Variants in ADAR observed in about 807,000 individuals in gnomAD.
ADAR encodes double-stranded RNA-specific adenosine deaminase.
A neutral mutation model predicts 113.2 loss-of-function variants in ADAR; 41 were observed. The ratio of observed to expected loss-of-function variants is 0.36; its 90% CI spans 0.28 to 0.47. The LOEUF (loss-of-function observed/expected upper bound fraction) is 0.47, where lower values mean the gene tolerates loss of function less well. ADAR is among the 20% of genes least tolerant of loss of function. ADAR has a pLI of 1.00. For synonymous variants in ADAR, 605 were observed against 572.6 expected, an observed-to-expected ratio of 1.06 and a Z score of -0.81; for missense variants, 1,242 against 1,540.9, an observed-to-expected ratio of 0.81 and a Z score of 3.25.
At position 154,601,515 on chromosome 1, in the gene ADAR, G is replaced by A; in HGVS notation, c.1127C>T (p.Ala376Val). ...KRNTNSVPETAPAAIPETKRN... is the reference protein window; with the variant it reads ...KRNTNSVPETVPAAIPETKRN... The stretch of plus-strand genomic sequence containing the variant: ...TTTGGTCTCAGGGATTGCAGCTGGA[G>A]CGGTTTCAGGAACACTGTTCGTATT... Residue 376 changes from alanine to valine, a missense_variant, in exon 2 of 15, where the codon GCT becomes GTT. Physicochemically the swap from Ala to Val is moderately conservative, Grantham distance 64 (BLOSUM62 0). Coordinates refer to ENST00000368474, the MANE Select transcript of ADAR (RefSeq NM_001111.5). This position sits in a 1 kb window ranked among gnomAD's most constrained non-coding sequence, Gnocchi z 4.7. 2 of 1,613,802 alleles carry A rather than the reference G, an allele frequency of 1.2e-6. No homozygotes were observed. The highest frequency in any genetic ancestry group is 1.6e-4 in the Middle Eastern group (1 of 6,062).
chr1:154,595,217 C>G (rs1697416321), intron 6 of ADAR, among the ~76,000 whole-genome samples: 1 of 152,178 alleles, frequency 6.6e-6, no homozygotes, highest in Non-Finnish European at 1.5e-5. Context: ...GGGATCTAGG[C>G]TACACGCTCC....
intron 1 of ADAR, among the ~76,000 whole-genome samples, chr1:154,614,165 A>G (rs1309691078): frequency 1.3e-5 from 2 of 152,246 alleles, no homozygotes; most frequent in African/African-American, 4.8e-5. Context: ...GCAAGTATGT[A>G]TAACTAATAA....
At chr1:154,617,878 T>G (rs546632670) in intron 1 of ADAR, among the ~76,000 whole-genome samples, 9 of 151,906 alleles carry the variant, frequency 5.9e-5, no homozygotes, top group East Asian at 3.9e-4. Flanking sequence ...AAATAAGAGA[T>G]AAACTATTAA....
At chr1:154,589,249 C>T in intron 9 of ADAR, 120 bp downstream of exon 9, 2 of 802,586 alleles carry the variant, frequency 2.5e-6, no homozygotes, top group South Asian at 2.8e-5. Flanking sequence ...AAGGCTGCCA[C>T]TGCCACATCA....
Position 154,590,341 on chromosome 1 carries a change from C to A in ADAR, c.2339G>T (p.Gly780Val). 1 of 1,614,168 alleles carries A rather than the reference C, an allele frequency of 6.2e-7. No homozygotes were observed. The highest frequency in any genetic ancestry group is 8.5e-7 in the Non-Finnish European group (1 of 1,180,040). The stretch of plus-strand genomic sequence containing the variant: ...AGCCGCATCTGCTGCTTCCTGCTTG[C>A]CTTGCTTCTTGCTGTGTGCGCAGAC... ...PAVCAHSKKQ[G>V]KQEAADAALR... is the part of the protein sequence containing the mutation. The change falls in exon 7 of 15, where the codon GGC becomes GTC. Residue 780 changes from glycine (G) to valine (V), a missense_variant. By Grantham distance (109) the Gly-to-Val change is moderately radical (BLOSUM62 -3). Around this residue, in one of 2 missense-constraint regions of ADAR, gnomAD observed 780 missense variants for 1,057.9 expected, o/e 0.74. Coordinates refer to ENST00000368474, the MANE Select transcript of ADAR (RefSeq NM_001111.5).
chr1:154,627,413 G>A (rs1698973833), intron 1 of ADAR, among the ~76,000 whole-genome samples: 1 of 152,244 alleles, frequency 6.6e-6, no homozygotes, highest in African/African-American at 2.4e-5. Flanking sequence ...GTTTGTGGTA[G>A]AAGGCGCAGC....
chr1:154,603,246 A>G (rs1183096120), intron 1 of ADAR, among the ~76,000 whole-genome samples: 1 of 152,216 alleles, frequency 6.6e-6, no homozygotes, highest in African/African-American at 2.4e-5. Context: ...CGCAGTAACG[A>G]AAACAATCTC....
At chr1:154,588,718 A>G in intron 9 of ADAR, 45 bp from the exon 10 acceptor site, 1 of 1,613,342 alleles carries the variant, frequency 6.2e-7, no homozygotes, top group Non-Finnish European at 8.5e-7. Flanking sequence ...CAATTCTGGG[A>G]AAAGCAGTTG....
chr1:154,608,492 C>CTTTTTTTTTTTTTTTTTT (rs67463447), upstream of ADAR, among the ~76,000 whole-genome samples: 35 of 65,768 alleles, frequency 5.3e-4, 1 homozygote, highest in East Asian at 3.0e-3. Flanking sequence ...TCACTCCTGG[C>CTTTTTTTTTTTTTTTTTT]TTTTTTTTTT....
intron 2 of ADAR, among the ~76,000 whole-genome samples, chr1:154,599,745 A>G (rs549685960): frequency 1.3e-5 from 2 of 152,238 alleles, no homozygotes; most frequent in Non-Finnish European, 2.9e-5. Flanking sequence ...TGTTTTCCTC[A>G]ATCTGTCCAC....
Position 154,584,685 on chromosome 1 carries a change from G to T in ADAR, c.*121C>A. ...CAAAGTTTTCAGTATCACCAATTAT[G>T]GCTTAAAAAGAAAAAAAAAGGAGAA... On this transcript the variant is annotated 3_prime_UTR_variant, in exon 15 of 15. Transcript: ENST00000368474. The T allele has an allele frequency of 1.1e-6, 1 of 921,436 alleles. No homozygotes were observed. Among genetic ancestry groups the T allele is most frequent in the Non-Finnish European group, 1.7e-6 (1 of 587,550 alleles). The allele number at this position is 921,436 out of a possible 1,614,324, so 57.1% of individuals were successfully genotyped here.
chr1:154,619,419 T>C (rs1005573779), intron 1 of ADAR, among the ~76,000 whole-genome samples: 1 of 152,108 alleles, frequency 6.6e-6, no homozygotes, highest in Non-Finnish European at 1.5e-5. Flanking sequence ...CAATGCTGGG[T>C]TGCTGAATCA....
rs768943773 is a variant in ADAR, at chr1:154,598,557, G to T, written c.1630C>A (p.Arg544=). Residue 544 remains arginine, a synonymous_variant, in exon 3 of 15, where the codon CGA becomes AGA. Transcript: ENST00000368474. ...CCAGCTTCAGCTGGGGGAAACTCTC[G>T]GCCATTGATGACAACCTGGAATTTA... ...RFKFQVVING[R]EFPPAEAGSK... is the part of the protein sequence containing the mutation. The T allele has an allele frequency of 6.2e-6, 10 of 1,614,058 alleles. No homozygotes were observed. Among genetic ancestry groups the T allele is most frequent in the Non-Finnish European group, 7.6e-6 (9 of 1,180,044 alleles).
intron 2 of ADAR, 140 bp downstream of exon 2, chr1:154,600,901 G>A (rs1697826395): frequency 8.3e-7 from 1 of 1,199,602 alleles, no homozygotes; most frequent in African/African-American, 1.5e-5. Context: ...CCAATCAAGG[G>A]GAATTTAGCT....
chr1:154,610,808 C>CAA (rs1369386387), upstream of ADAR, among the ~76,000 whole-genome samples: 1,254 of 40,456 alleles, frequency 0.031, 226 homozygotes, highest in Middle Eastern at 0.071. Flanking sequence ...GACACCGTCT[C>CAA]AAAAAAAAAA....
At position 154,601,717 on chromosome 1, in the gene ADAR, T is replaced by C; in HGVS notation, c.925A>G (p.Asn309Asp). The C allele has an allele frequency of 1.2e-6, 2 of 1,614,196 alleles. No homozygotes were observed. The highest frequency in any genetic ancestry group is 1.7e-6 in the Non-Finnish European group (2 of 1,180,024). Residue 309 changes from asparagine to aspartate, a missense_variant, in exon 2 of 15, where the codon AAT becomes GAT. By Grantham distance (23) the Asn-to-Asp change is conservative. Around this residue, in one of 2 missense-constraint regions of ADAR, gnomAD observed 462 missense variants for 483.1 expected, o/e 0.96. Transcript: ENST00000368474. This position sits in a 1 kb window ranked among gnomAD's most constrained non-coding sequence, Gnocchi z 4.7. ...IKEKICDYLF[N>D]VSDSSALNLA... ...TTCAGGGCAGAGGAGTCAGACACAT[T>C]GAAGAGATAGTCGCAGATTTTCTCC...
upstream of ADAR, among the ~76,000 whole-genome samples, chr1:154,610,407 T>C (rs964950988): frequency 5.9e-5 from 9 of 152,206 alleles, no homozygotes; most frequent in Admixed American, 2.6e-4. Flanking sequence ...ACAAGGTAGC[T>C]AATTATCTAA....
At chr1:154,599,142 T>C (rs1282153758) in intron 2 of ADAR, among the ~76,000 whole-genome samples, 1 of 152,168 alleles carries the variant, frequency 6.6e-6, no homozygotes, top group Non-Finnish European at 1.5e-5. Context: ...GCACCATTTG[T>C]CTCCAGCTAT....
intron 1 of ADAR, among the ~76,000 whole-genome samples, chr1:154,604,521 C>G (rs1484888091): frequency 6.6e-6 from 1 of 152,230 alleles, no homozygotes; most frequent in Non-Finnish European, 1.5e-5. Flanking sequence ...AATTCCTTCT[C>G]TTGAACCTCA....
Sources: gnomAD v4.1 joint callset for allele counts (sites outside exome capture counted in the v4.1 genomes callset) on GRCh38, gnomAD v4.1.1 for gene constraint, gnomAD v4.1.1 regional missense constraint, Gnocchi (gnomAD v3.1) non-coding constraint, MANE v1.5 for transcripts, NCBI Gene and HGNC (gene_info 2026-07-23, HGNC 2026-07-21) for gene names.